ERBIN: variants seen among roughly 807,000 people sequenced by gnomAD.
ERBIN encodes densin-180-like protein.
A neutral mutation model predicts 158.4 loss-of-function variants in ERBIN; 60 were observed. The ratio of observed to expected loss-of-function variants is 0.38; its 90% confidence interval spans 0.31 to 0.47. ERBIN has a LOEUF of 0.47. ERBIN is among the 20% of genes least tolerant of loss of function. The probability of loss-of-function intolerance (pLI) is 0.99; values close to 1 mark genes in which losing one functional copy is unlikely to be tolerated. For missense variants in ERBIN, 1,610 were observed against 1,648.0 expected, an observed-to-expected ratio of 0.98 and a Z score of 0.40; for synonymous variants, 594 against 557.2, an observed-to-expected ratio of 1.07 and a Z score of -0.93.
At chr5:65,942,677 C>A (rs1019264834) in intron 1 of ERBIN, among the ~76,000 whole-genome samples, 36 of 152,294 alleles carry the variant, frequency 2.4e-4, no homozygotes, top group Middle Eastern at 3.4e-3. Context: ...GTAATCCCAG[C>A]ACTTTGGGAG....
At chr5:66,029,569 T>TGTC (rs1561397197) in intron 14 of ERBIN, among the ~76,000 whole-genome samples, 137 of 144,990 alleles carry the variant, frequency 9.4e-4, no homozygotes, top group African/African-American at 3.8e-3. Context: ...TCTGTTCTGT[T>TGTC]CTGTCCTGTC....
rs760381548 is a variant in ERBIN, at chr5:66,078,528, T to TA, written c.4239dup. The part of the protein sequence containing the change: ...ELIIVREVSS[*] ...CATCATTGTACGAGAAGTTTCCTCA[T>TA]AAGCACTGTGGACAAAAAAAGCGGG... Residue 1413 remains the stop codon, a frameshift_variant and stop_retained_variant, in exon 26 of 26, where the codon TAA becomes TAAA. Coordinates refer to ENST00000284037, the MANE Select transcript of ERBIN (RefSeq NM_001253697.2). LOFTEE classifies it high-confidence loss of function. 6.2e-7 allele frequency: 1 copy of TA among 1,600,912 alleles called. No homozygotes were observed. The highest frequency in any genetic ancestry group is 1.7e-5 in the Admixed American group (1 of 59,094).
intron 1 of ERBIN, chr5:65,984,888 A>G (rs1751048637): frequency 2.0e-5 from 3 of 150,978 alleles, no homozygotes. Flanking sequence ...TAAATAGAAG[A>G]TGTGCTGTAT....
At chr5:65,998,887 C>T (rs1269579662) in intron 4 of ERBIN, among the ~76,000 whole-genome samples, 1 of 125,070 alleles carries the variant, frequency 8.0e-6, no homozygotes, top group Non-Finnish European at 1.7e-5. Context: ...AGAGCAAGAC[C>T]CTGTCTCAAA....
intron 3 of ERBIN, among the ~76,000 whole-genome samples, chr5:65,993,352 T>C (rs894186095): frequency 3.3e-5 from 5 of 152,212 alleles, no homozygotes; most frequent in South Asian, 2.1e-4. Flanking sequence ...CATACAGATA[T>C]TGTTTTCCTC....
rs533941357 is a variant in ERBIN, at chr5:66,075,375, G to A, written c.3963+145G>A. 9.7e-4 allele frequency: 667 copies of A among 689,756 alleles called. 1 individual carries two copies. The highest frequency in any genetic ancestry group is 1.3e-3 in the Non-Finnish European group (534 of 412,480). 42.7% of individuals were successfully genotyped at this position (689,756 alleles called of 1,614,324 possible). A position where few individuals can be genotyped will look rare whatever the true frequency, so the allele number is the denominator to read the frequency against. On this transcript the variant is annotated intron_variant, in intron 23 of 25. Transcript: ENST00000284037. ...TATTTTTATGTTACGTTTATAAGGC[G>A]TTAAACTTGGTAATTTTTATTTGAC...
At chr5:65,942,038 C>A (rs1018037620) in intron 1 of ERBIN, among the ~76,000 whole-genome samples, 1 of 151,370 alleles carries the variant, frequency 6.6e-6, no homozygotes, top group African/African-American at 2.5e-5. Context: ...CTGCGTCTGG[C>A]CCTCTTTCTT....
At chr5:66,062,272 C>A (rs780389758) in intron 21 of ERBIN, among the ~76,000 whole-genome samples, 2 of 152,188 alleles carry the variant, frequency 1.3e-5, no homozygotes, top group Non-Finnish European at 2.9e-5. Flanking sequence ...AACTTCTCTT[C>A]ACGCTTCATT....
intron 7 of ERBIN, among the ~76,000 whole-genome samples, chr5:66,016,885 G>A (rs1754799567): frequency 6.6e-6 from 1 of 152,040 alleles, no homozygotes; most frequent in Non-Finnish European, 1.5e-5. Flanking sequence ...AGAGTGCTGG[G>A]ATTACAGGCG....
In ERBIN at chr5:66,080,435, C is replaced by T. The variant is rs1239559642; in HGVS notation, c.*1905C>T. On this transcript the variant is annotated 3_prime_UTR_variant, in exon 26 of 26. Coordinates refer to ENST00000284037, the MANE Select transcript of ERBIN (RefSeq NM_001253697.2). ...TTATGGATATAGTAGAAGAAATGTGCTGTATTTTGATAAAATTCACTTATT... is the reference window on the plus strand; with the variant it reads ...TTATGGATATAGTAGAAGAAATGTGTTGTATTTTGATAAAATTCACTTATT... The T allele has an allele frequency of 2.7e-5, 4 of 150,364 alleles. No individual in the cohort carries two copies. The highest frequency in any genetic ancestry group is 9.8e-5 in the African/African-American group (4 of 40,676). The allele number at this position is 150,364 out of a possible 1,614,324, so 9.3% of individuals were successfully genotyped here. A position where few individuals can be genotyped will look rare whatever the true frequency, so the allele number is the denominator to read the frequency against.
chr5:66,030,135 C>G (rs1428207453), intron 14 of ERBIN, among the ~76,000 whole-genome samples: 1 of 151,782 alleles, frequency 6.6e-6, no homozygotes, highest in Non-Finnish European at 1.5e-5. Context: ...TGCCCCCGGG[C>G]TCAAGCAATT....
chr5:66,081,002 A>T lies in ERBIN; in HGVS notation c.*2472A>T, dbSNP rs1204498372. 1 of 151,990 alleles carries T rather than the reference A, an allele frequency of 6.6e-6. No homozygotes were observed. The highest frequency in any genetic ancestry group is 1.5e-5 in the Non-Finnish European group (1 of 67,868). The allele number at this position is 151,990 out of a possible 1,614,324, so 9.4% of individuals were successfully genotyped here. On this transcript the variant is annotated 3_prime_UTR_variant, in exon 26 of 26. Transcript: ENST00000284037. ...GTAATAAAGTTTCAAAATTTGAATA[A>T]AATAATTAAATTTTTTGAGGAAGTG...
At position 66,046,310 on chromosome 5, in the gene ERBIN, A is replaced by G. The variant is rs779751369; in HGVS notation, c.1603-43A>G. On this transcript the variant is annotated intron_variant, in intron 17 of 25. Transcript: ENST00000284037. The stretch of plus-strand genomic sequence containing the variant: ...TTATCTGAACTTTTAAAATAGATAT[A>G]AAACTTAAAGAATATGAGCTCTTTA... The G allele has an allele frequency of 4.2e-6, 5 of 1,187,160 alleles. No homozygotes were observed. The Admixed American group carries it at 7.6e-5, about 18-fold the overall frequency. The allele number at this position is 1,187,160 out of a possible 1,614,324, so 73.5% of individuals were successfully genotyped here.
chr5:66,020,880 TATTA>T (rs1228349011), intron 7 of ERBIN, among the ~76,000 whole-genome samples: 9 of 152,028 alleles, frequency 5.9e-5, no homozygotes, highest in Non-Finnish European at 1.2e-4. Context: ...GCATTTTGAA[TATTA>T]ATTTTCGGAG....
intron 4 of ERBIN, among the ~76,000 whole-genome samples, chr5:66,005,466 A>G (rs1387935428): frequency 4.6e-5 from 7 of 152,184 alleles, no homozygotes; most frequent in African/African-American, 1.7e-4. Flanking sequence ...AGTTGTCACC[A>G]TATGGATATT....
chr5:66,020,326 A>T (rs1327166781), intron 7 of ERBIN, among the ~76,000 whole-genome samples: 2 of 152,000 alleles, frequency 1.3e-5, no homozygotes, highest in Non-Finnish European at 2.9e-5. Context: ...CTTATTACTA[A>T]TTTTTGTTAA....
Position 66,050,798 on chromosome 5 carries a change from C to A in ERBIN, c.1919C>A (p.Thr640Lys), listed in dbSNP as rs1417520107. The A allele has an allele frequency of 6.4e-7, 1 of 1,551,672 alleles. No individual in the cohort carries two copies. The highest frequency in any genetic ancestry group is 8.7e-7 in the Non-Finnish European group (1 of 1,152,864). Reference protein sequence around the residue: ...SNNKKDDTKETDSLSDEVTHN... With the variant: ...SNNKKDDTKEKDSLSDEVTHN... ...TTTGTTTCAGATGATACAAAGGAAA[C>A]AGATTCTTTATCAGATGAAGTTACA... The change falls in exon 20 of 26, where the codon ACA (threonine) becomes AAA (lysine). Residue 640 changes from threonine to lysine, a missense_variant. Coordinates refer to ENST00000284037, the MANE Select transcript of ERBIN (RefSeq NM_001253697.2).
chr5:66,053,739 G>T lies in ERBIN; in HGVS notation c.2421G>T (p.Leu807Phe), dbSNP rs767634609. Residue 807 changes from leucine (L) to phenylalanine (F), a missense_variant, in exon 21 of 26, where the codon TTG (leucine) becomes TTT (phenylalanine). By Grantham distance (22) the Leu-to-Phe change is conservative. Transcript: ENST00000284037. ...SINSKEETEHLENGNKYPNLE... is the reference protein window; with the variant it reads ...SINSKEETEHFENGNKYPNLE... ...ATTCTAAAGAGGAAACTGAGCACTT[G>T]GAAAATGGAAACAAGTATCCTAATT... 3 of 1,613,704 alleles carry T rather than the reference G, an allele frequency of 1.9e-6. No homozygotes were observed. In the Admixed American group the frequency reaches 5.0e-5, roughly 27 times the overall value.
chr5:66,018,400 GTATGT>G (rs1285709260), intron 7 of ERBIN, among the ~76,000 whole-genome samples: 2 of 105,808 alleles, frequency 1.9e-5, no homozygotes, highest in Admixed American at 3.0e-4. Context: ...TGATTCTTAG[GTATGT>G]TATATGTATA....
Sources: gnomAD v4.1 joint callset for allele counts (sites outside exome capture counted in the v4.1 genomes callset) on GRCh38, gnomAD v4.1.1 for gene constraint, MANE v1.5 for transcripts, NCBI Gene and HGNC (gene_info 2026-07-23, HGNC 2026-07-21) for gene names.